The following TMEM270 variants were observed in gnomAD, a reference collection of about 807,000 sequenced individuals.
The protein encoded by TMEM270 is transmembrane protein 270.
A neutral mutation model predicts 29.9 loss-of-function variants in TMEM270; 30 were observed. That is an observed-to-expected ratio of 1.00 (90% confidence interval 0.75 to 1.36). The LOEUF is 1.36. Ranked by LOEUF, TMEM270 falls within the 40% of genes most tolerant of loss-of-function variation. The pLI is 0.00. For missense variants in TMEM270, 313 were observed against 307.1 expected (o/e 1.02, Z -0.14); for synonymous variants, 135 against 139.8 (o/e 0.97, Z 0.24).
rs1788875542 is a variant in TMEM270 at position 73,865,177 on chromosome 7, T to G, written c.257T>G (p.Val86Gly). 1.2e-6 allele frequency: 2 copies of G among 1,612,928 alleles called. No homozygotes were observed. Among genetic ancestry groups the G allele is most frequent in the Non-Finnish European group, 1.7e-6 (2 of 1,179,248 alleles). The change falls in exon 2 of 3, where the codon GTC (valine) becomes GGC (glycine). Residue 86 changes from valine (V) to glycine (G), a missense_variant. Val to Gly is a moderately radical substitution (Grantham distance 109). Transcript: ENST00000320531. ...TGGGCTGGGCTGGCTCTGATACAGGTCCCCGTATGGCTGGTGCTACAGGGA... is the reference window on the plus strand; with the variant it reads ...TGGGCTGGGCTGGCTCTGATACAGGGCCCCGTATGGCTGGTGCTACAGGGA... The part of the protein sequence containing the change: ...ALWAGLALIQ[V>G]PVWLVLQGPR...
chr7:73,861,489 GC>G (rs1563663801), intron 1 of TMEM270: 1 of 644,022 alleles, frequency 1.6e-6, no homozygotes, highest in South Asian at 1.5e-5. Flanking sequence ...TCGCTCTGTC[GC>G]CCAGCCTGGA....
chr7:73,865,505 G>T, intron 2 of TMEM270, 72 bp from the exon 3 acceptor site: 11 of 1,579,598 alleles, frequency 7.0e-6, no homozygotes, highest in Non-Finnish European at 6.9e-6. Context: ...GCTTGCAGGG[G>T]GGAGCCACAG....
At chr7:73,865,525 G>A (rs1463033413) in intron 2 of TMEM270, 52 bp from the exon 3 acceptor site, 30 of 1,592,870 alleles carry the variant, frequency 1.9e-5, no homozygotes, top group Non-Finnish European at 2.6e-5. Flanking sequence ...GCCAAGCAGT[G>A]TAACCCTATG....
Position 73,861,237 on chromosome 7 carries a change from C to G in TMEM270, c.43C>G (p.Leu15Val). The G allele has an allele frequency of 6.3e-7, 1 of 1,599,066 alleles. No individual in the cohort carries two copies. The highest frequency in any genetic ancestry group is 8.5e-7 in the Non-Finnish European group (1 of 1,171,860). Residue 15 changes from leucine to valine, a missense_variant, in exon 1 of 3, where the codon CTG (leucine) becomes GTG (valine). By Grantham distance (32) the Leu-to-Val change is conservative. Coordinates refer to ENST00000320531, the MANE Select transcript of TMEM270 (RefSeq NM_182504.4). ...AGTCAGATCCAGCCTTTTGGGGATC[C>G]TGTTGCAGGTTACGAGGCTCTCAGT... Reference protein sequence around the residue: ...PPVRSSLLGILLQVTRLSVLL... With the variant: ...PPVRSSLLGIVLQVTRLSVLL...
chr7:73,862,872 GAAAAAAAAAAAA>G (rs71082281), intron 1 of TMEM270, among the ~76,000 whole-genome samples: 2 of 44,084 alleles, frequency 4.5e-5, no homozygotes, highest in South Asian at 1.2e-3. Context: ...CCCTGTCTCA[GAAAAAAAAAAAA>G]AAAAAAAAAA....
chr7:73,861,153 C>A, upstream of TMEM270: 1 of 1,604,262 alleles, frequency 6.2e-7, no homozygotes, highest in South Asian at 1.1e-5. Flanking sequence ...TCTGTGAGGT[C>A]ACCCTGCTTC....
intron 1 of TMEM270, among the ~76,000 whole-genome samples, chr7:73,863,157 C>T (rs537132102): frequency 6.6e-6 from 1 of 152,070 alleles, no homozygotes. Context: ...AAATCCAGCC[C>T]GTGAGTGGGG....
chr7:73,861,125 G>C, upstream of TMEM270: 1 of 1,520,518 alleles, frequency 6.6e-7, no homozygotes, highest in South Asian at 1.1e-5. Context: ...ATGGTAACTT[G>C]GTCCCCACCC....
At chr7:73,864,163 T>C (rs1052186169) in intron 1 of TMEM270, among the ~76,000 whole-genome samples, 1 of 145,678 alleles carries the variant, frequency 6.9e-6, no homozygotes, top group Non-Finnish European at 1.5e-5. Context: ...GAGATGCACC[T>C]ATAGCTCCAG....
chr7:73,861,581 C>T (rs1554639289), intron 1 of TMEM270: 7 of 505,498 alleles, frequency 1.4e-5, no homozygotes, highest in South Asian at 3.3e-5. Context: ...TCCAAGTAGC[C>T]GGGACTATAG....
rs941352571 is a variant in TMEM270 at position 73,861,538 on chromosome 7, C to T, written c.72+272C>T. 2.4e-5 allele frequency: 14 copies of T among 592,308 alleles called. No homozygotes were observed. In the African/African-American group the frequency reaches 2.4e-4, roughly 10 times the overall value. The allele number at this position is 592,308 out of a possible 1,614,324, so 36.7% of individuals were successfully genotyped here. On this transcript the variant is annotated intron_variant, in intron 1 of 2. Coordinates refer to ENST00000320531, the MANE Select transcript of TMEM270 (RefSeq NM_182504.4). ...CGGCTCAGCTCGTTGCAGCCTCCAACTCCCGGTCTCAAGCAATCCTCCCCC... is the reference window on the plus strand; with the variant it reads ...CGGCTCAGCTCGTTGCAGCCTCCAATTCCCGGTCTCAAGCAATCCTCCCCC...
Position 73,861,254 on chromosome 7 carries a change from G to A in TMEM270, c.60G>A (p.Arg20=), listed in dbSNP as rs1465679067. 6.2e-7 allele frequency: 1 copy of A among 1,612,090 alleles called. No homozygotes were observed. Among genetic ancestry groups the A allele is most frequent in the Non-Finnish European group, 8.5e-7 (1 of 1,178,754 alleles). ...SLLGILLQVT[R]LSVLLVQNRD... is the part of the protein sequence containing the mutation. ...TGGGGATCCTGTTGCAGGTTACGAG[G>A]CTCTCAGTGCTGGTGAGTGGGGGCT... Residue 20 remains arginine (R), a synonymous_variant, in exon 1 of 3, where the codon AGG becomes AGA. Transcript: ENST00000320531.
intron 1 of TMEM270, among the ~76,000 whole-genome samples, chr7:73,864,497 A>G (rs1735678831): frequency 6.6e-6 from 1 of 152,130 alleles, no homozygotes; most frequent in African/African-American, 2.4e-5. Flanking sequence ...TTCCCTTCTC[A>G]GAAGGGAGTC....
Position 73,865,110 on chromosome 7 carries a change from C to T in TMEM270, c.190C>T (p.Leu64=), listed in dbSNP as rs377392877. The change falls in exon 2 of 3, where the codon CTA becomes TTA. Residue 64 remains leucine, a synonymous_variant. Transcript: ENST00000320531. Reference sequence around the variant, plus strand: ...GGGGTCCTGTAACTGGCAGGCCCACCTACCCCTGGGAGCTGCAGCCTGCCC... The same window carrying T: ...GGGGTCCTGTAACTGGCAGGCCCACTTACCCCTGGGAGCTGCAGCCTGCCC... The part of the protein sequence containing the change: ...ARGSCNWQAH[L]PLGAAACPLG... The T allele has an allele frequency of 6.3e-7, 1 of 1,586,196 alleles. No homozygotes were observed. Among genetic ancestry groups the T allele is most frequent in the Non-Finnish European group, 8.6e-7 (1 of 1,164,756 alleles).
intron 2 of TMEM270, 47 bp from the exon 3 acceptor site, chr7:73,865,530 C>T (rs782615269): frequency 6.3e-7 from 1 of 1,595,576 alleles, no homozygotes; most frequent in Non-Finnish European, 8.5e-7. Context: ...GCAGTGTAAC[C>T]CTATGAGCTC....
chr7:73,863,991 A>G (rs1788843876), intron 1 of TMEM270, among the ~76,000 whole-genome samples: 3 of 151,782 alleles, frequency 2.0e-5, no homozygotes, highest in South Asian at 4.2e-4. Flanking sequence ...TTTAAATCCA[A>G]TGGAGGCCAG....
At chr7:73,861,558 T>C in intron 1 of TMEM270, 2 of 556,048 alleles carry the variant, frequency 3.6e-6, no homozygotes, top group East Asian at 4.0e-5. Flanking sequence ...CAAGCAATCC[T>C]CCCCCCTCAG....
rs782724346 is a variant in TMEM270 at position 73,865,365 on chromosome 7, A to G, written c.445A>G (p.Thr149Ala). 14 of 1,613,250 alleles carry G rather than the reference A, an allele frequency of 8.7e-6. No individual in the cohort carries two copies. The South Asian group carries it at 1.5e-4, about 18-fold the overall frequency. The change falls in exon 2 of 3, where the codon ACC becomes GCC. Residue 149 changes from threonine to alanine, a missense_variant. Coordinates refer to ENST00000320531, the MANE Select transcript of TMEM270 (RefSeq NM_182504.4). The part of the protein sequence containing the change: ...MLVALLLVVV[T>A]WRVCQKSHCF... The stretch of plus-strand genomic sequence containing the variant: ...GGTGGCCTTGCTCTTGGTGGTAGTG[A>G]CCTGGAGGGTGTGTCAGAAGTCCCA...
intron 1 of TMEM270, 43 bp from the exon 2 acceptor site, chr7:73,864,950 G>A (rs1554639708): frequency 2.1e-6 from 3 of 1,417,504 alleles, no homozygotes; most frequent in Non-Finnish European, 2.8e-6. Context: ...TGTCCCAGGA[G>A]GGTGATGATG....
Sources: gnomAD v4.1 joint callset for allele counts (sites outside exome capture counted in the v4.1 genomes callset) on GRCh38, gnomAD v4.1.1 for gene constraint, MANE v1.5 for transcripts, NCBI Gene and HGNC (gene_info 2026-07-23, HGNC 2026-07-21) for gene names.